The following RAPH1 variants were observed in gnomAD, a reference collection of about 807,000 sequenced individuals.
RAPH1 encodes the protein ras-associated and pleckstrin homology domains-containing protein 1.
RAPH1 carries 18 observed loss-of-function variants against 88.1 expected under a neutral mutation model. That is an observed-to-expected ratio of 0.20 (90% CI 0.14 to 0.30). RAPH1 has a LOEUF of 0.30. Among genes scored for constraint, RAPH1 ranks in the 10% least tolerant of loss-of-function variants. RAPH1 has a pLI of 1.00. For missense variants in RAPH1, 1,448 were observed against 1,543.2 expected, an observed-to-expected ratio of 0.94 and a Z score of 1.03; for synonymous variants, 587 against 559.0, an observed-to-expected ratio of 1.05 and a Z score of -0.71.
intron 1 of RAPH1, among the ~76,000 whole-genome samples, chr2:203,504,980 T>G (rs1688914631): frequency 6.6e-6 from 1 of 152,218 alleles, no homozygotes; most frequent in Non-Finnish European, 1.5e-5. Context: ...GCTTGGATCT[T>G]ATTGTTCATA....
rs1000679209 is a variant in RAPH1 at position 203,437,804 on chromosome 2, A to G, written c.*1633T>C. The G allele has an allele frequency of 1.0e-5, 2 of 191,872 alleles. No homozygotes were observed. Among genetic ancestry groups the G allele is most frequent in the South Asian group, 2.0e-4 (2 of 9,920 alleles). 11.9% of individuals were successfully genotyped at this position (191,872 alleles called of 1,614,324 possible). A position where few individuals can be genotyped will look rare whatever the true frequency, so the allele number is the denominator to read the frequency against. ...GGCATCACTTTTTCCTTGTGGGACA[A>G]TGTCAACTGATTTCTGCAGTTTGCA... On this transcript the variant is annotated 3_prime_UTR_variant, in exon 14 of 14. Transcript: ENST00000319170.
Position 203,439,414 on chromosome 2 carries a change from A to G in RAPH1, c.*23T>C. On this transcript the variant is annotated 3_prime_UTR_variant, in exon 14 of 14. Transcript: ENST00000319170. The stretch of plus-strand genomic sequence containing the variant: ...GATTGTAGCAGTGATTACAGATATC[A>G]TGAAAATAAAGTCCTATGGTGGCTA... The G allele has an allele frequency of 5.6e-6, 9 of 1,603,600 alleles. No homozygotes were observed. The highest frequency in any genetic ancestry group is 7.7e-6 in the Non-Finnish European group (9 of 1,172,278).
chr2:203,522,624 G>C (rs936030185), intron 1 of RAPH1, among the ~76,000 whole-genome samples: 11 of 152,096 alleles, frequency 7.2e-5, no homozygotes, highest in African/African-American at 2.7e-4. Flanking sequence ...GAAAAGGGTT[G>C]GGTGCAGTGG....
intron 4 of RAPH1, among the ~76,000 whole-genome samples, chr2:203,476,919 A>G (rs1219508141): frequency 6.6e-6 from 1 of 152,208 alleles, no homozygotes. Context: ...CAGTTGTACC[A>G]TATCTAAAGT....
intron 2 of RAPH1, among the ~76,000 whole-genome samples, 187 bp from the exon 3 acceptor site, chr2:203,491,506 CA>C (rs1688266069): frequency 1.3e-5 from 2 of 152,078 alleles, no homozygotes; most frequent in African/African-American, 4.8e-5. Flanking sequence ...ATACTTATTT[CA>C]ATCTTTAGAT....
Position 203,437,590 on chromosome 2 carries a change from T to C in RAPH1, c.*1847A>G, listed in dbSNP as rs2098499532. On this transcript the variant is annotated 3_prime_UTR_variant, in exon 14 of 14. Transcript: ENST00000319170. ...TAAAAATTAATGGTATATATTCTTA[T>C]TGCTCCATAACCACATGAACATAAC... The C allele has an allele frequency of 1.3e-5, 2 of 152,480 alleles. No homozygotes were observed. The highest frequency in any genetic ancestry group is 4.1e-4 in the South Asian group (2 of 4,832). The allele number at this position is 152,480 out of a possible 1,614,324, so 9.4% of individuals were successfully genotyped here. A position where few individuals can be genotyped will look rare whatever the true frequency, so the allele number is the denominator to read the frequency against.
Position 203,471,016 on chromosome 2 carries a change from G to A in RAPH1, c.733-9091C>T, listed in dbSNP as rs191091092. Reference sequence around the variant, plus strand: ...GTAACTGTTTTCGTGAAAATAATTTGTAAATGGCATGGTCCCTATCATTCT... The same window carrying A: ...GTAACTGTTTTCGTGAAAATAATTTATAAATGGCATGGTCCCTATCATTCT... On this transcript the variant is annotated intron_variant, in intron 4 of 13. Coordinates refer to ENST00000319170, the MANE Select transcript of RAPH1 (RefSeq NM_213589.3). Among the ~76,000 whole-genome samples the A allele has an allele frequency of 2.6e-5, 4 of 152,288 alleles. No homozygotes were observed. In the South Asian group the frequency reaches 6.2e-4, roughly 24 times the overall value.
chr2:203,456,093 T>C (rs2098519310), intron 8 of RAPH1, among the ~76,000 whole-genome samples: 1 of 152,210 alleles, frequency 6.6e-6, no homozygotes, highest in South Asian at 2.1e-4. Flanking sequence ...GGAACTACTA[T>C]GGCAATCCTA....
At chr2:203,444,538 C>A in intron 13 of RAPH1, 1 of 322,350 alleles carries the variant, frequency 3.1e-6, no homozygotes, top group African/African-American at 2.1e-5. Flanking sequence ...GGTGTTTTGC[C>A]ATCCAAACTG....
At chr2:203,517,872 C>T (rs1249113149) in intron 1 of RAPH1, among the ~76,000 whole-genome samples, 1 of 151,948 alleles carries the variant, frequency 6.6e-6, no homozygotes, top group Admixed American at 6.6e-5. Flanking sequence ...AAAAGCAATG[C>T]TTAGAGGGAC....
chr2:203,473,896 G>T (rs975673206), intron 4 of RAPH1, among the ~76,000 whole-genome samples: 2 of 151,358 alleles, frequency 1.3e-5, no homozygotes, highest in South Asian at 2.1e-4. Context: ...CATTTTTTAG[G>T]CTCCAACTTT....
At chr2:203,512,040 G>T (rs945674132) in intron 1 of RAPH1, among the ~76,000 whole-genome samples, 2 of 151,894 alleles carry the variant, frequency 1.3e-5, no homozygotes, top group African/African-American at 4.8e-5. Flanking sequence ...TTGAACTCAG[G>T]AGGCAGAGGT....
chr2:203,526,943 C>T (rs186422767), intron 1 of RAPH1, among the ~76,000 whole-genome samples: 3,178 of 151,936 alleles, frequency 0.021, 132 homozygotes, highest in African/African-American at 0.073. Flanking sequence ...GCCACCACAC[C>T]CAGCTAATTT....
At chr2:203,494,017 A>AAAAAAAAAAAT (rs1581356790) in intron 2 of RAPH1, among the ~76,000 whole-genome samples, 1 of 129,878 alleles carries the variant, frequency 7.7e-6, no homozygotes, top group Non-Finnish European at 1.7e-5. Flanking sequence ...AAAAAAAAAA[A>AAAAAAAAAAAT]TCCCCCCAAA....
At chr2:203,458,224 C>T (rs2098521394) in intron 7 of RAPH1, among the ~76,000 whole-genome samples, 1 of 152,068 alleles carries the variant, frequency 6.6e-6, no homozygotes, top group South Asian at 2.1e-4. Context: ...ACAAAATTAG[C>T]CAGGTGTGGC....
intron 4 of RAPH1, among the ~76,000 whole-genome samples, chr2:203,483,786 C>T (rs565435359): frequency 1.4e-4 from 21 of 152,262 alleles, no homozygotes; most frequent in African/African-American, 4.8e-4. Context: ...CCTCCCTATC[C>T]TTCCTAGAGG....
chr2:203,457,744 A>G, intron 7 of RAPH1, 149 bp from the exon 8 acceptor site: 1 of 680,442 alleles, frequency 1.5e-6, no homozygotes, highest in Non-Finnish European at 2.6e-6. Context: ...ATAGAGTAGA[A>G]TAAACTTTGA....
intron 1 of RAPH1, among the ~76,000 whole-genome samples, chr2:203,533,849 A>G (rs1690497098): frequency 6.6e-6 from 1 of 152,114 alleles, no homozygotes; most frequent in Non-Finnish European, 1.5e-5. Flanking sequence ...TTTAATCTAC[A>G]TGAAAAACAT....
intron 4 of RAPH1, among the ~76,000 whole-genome samples, chr2:203,482,907 GAA>G (rs1272844464): frequency 6.6e-6 from 1 of 152,190 alleles, no homozygotes; most frequent in African/African-American, 2.4e-5. Flanking sequence ...GCCTCAATAA[GAA>G]AGTGACATTT....
Sources: allele counts gnomAD v4.1 joint callset (sites outside exome capture counted in the v4.1 genomes callset), GRCh38; gene constraint gnomAD v4.1.1; transcripts MANE v1.5; gene names NCBI Gene and HGNC (gene_info 2026-07-23, HGNC 2026-07-21).